FHIT: variants seen among roughly 807,000 people sequenced by gnomAD.
The protein encoded by FHIT is bis(5'-adenosyl)-triphosphatase.
In FHIT, 19 loss-of-function variants were observed where a neutral mutation model predicts 17.9. That is an observed-to-expected ratio of 1.06 (90% CI 0.74 to 1.56). The LOEUF (loss-of-function observed/expected upper bound fraction) is 1.56. Among genes scored for constraint, FHIT ranks in the 40% most tolerant of loss-of-function variants. The probability of loss-of-function intolerance (pLI) is 0.00; values close to 1 mark genes in which losing one functional copy is unlikely to be tolerated. For missense variants in FHIT, 248 were observed against 189.2 expected, an observed-to-expected ratio of 1.31 and a Z score of -1.82; for synonymous variants, 81 against 69.7, an observed-to-expected ratio of 1.16 and a Z score of -0.81.
chr3:60,412,376 T>G (rs1702093968), intron 5 of FHIT, among the ~76,000 whole-genome samples: 1 of 152,028 alleles, frequency 6.6e-6, no homozygotes. Flanking sequence ...AATAAATAAA[T>G]AAGACCAGTT....
intron 3 of FHIT, among the ~76,000 whole-genome samples, chr3:60,980,068 AG>A: frequency 6.6e-6 from 1 of 152,318 alleles, no homozygotes; most frequent in East Asian, 1.9e-4. Context: ...TCTACTCAAA[AG>A]CTGCATATTT....
intron 3 of FHIT, among the ~76,000 whole-genome samples, chr3:61,011,709 G>C (rs562952140): frequency 6.6e-6 from 1 of 152,070 alleles, no homozygotes; most frequent in Non-Finnish European, 1.5e-5. Context: ...TAAAGATCTC[G>C]CCTTTTCATC....
chr3:61,249,694 A>G (rs1188417521), intron 1 of FHIT, among the ~76,000 whole-genome samples: 1 of 152,204 alleles, frequency 6.6e-6, no homozygotes, highest in African/African-American at 2.4e-5. Context: ...TAAGAGGATT[A>G]AATTATAACA....
At chr3:60,098,004 T>C (rs1311413374) in intron 5 of FHIT, among the ~76,000 whole-genome samples, 2 of 151,822 alleles carry the variant, frequency 1.3e-5, no homozygotes, top group Non-Finnish European at 2.9e-5. Context: ...CTGAGAATGA[T>C]GGTTTCCAGT....
chr3:60,938,300 C>T (rs1192130982), intron 3 of FHIT, among the ~76,000 whole-genome samples: 1 of 152,132 alleles, frequency 6.6e-6, no homozygotes, highest in Non-Finnish European at 1.5e-5. Flanking sequence ...GGAAGGGCAG[C>T]AGGCTTTCTC....
chr3:60,390,650 G>T (rs558114281), intron 5 of FHIT, among the ~76,000 whole-genome samples: 8 of 152,066 alleles, frequency 5.3e-5, no homozygotes, highest in African/African-American at 1.4e-4. Context: ...GGAAGACAGT[G>T]ATATTGATGA....
chr3:60,907,307 G>T (rs1706480626), intron 3 of FHIT, among the ~76,000 whole-genome samples: 2 of 152,296 alleles, frequency 1.3e-5, no homozygotes, highest in Middle Eastern at 6.8e-3. Flanking sequence ...CAATTGGACA[G>T]ATCCACATTG....
chr3:61,130,200 AG>A (rs1029012620), intron 2 of FHIT, among the ~76,000 whole-genome samples: 19 of 151,860 alleles, frequency 1.3e-4, no homozygotes, highest in Middle Eastern at 6.8e-3. Context: ...ATGCTATAGG[AG>A]GTCCAAGAAA....
chr3:61,171,371 C>T (rs1480740309), intron 2 of FHIT, among the ~76,000 whole-genome samples: 6 of 152,052 alleles, frequency 3.9e-5, no homozygotes, highest in East Asian at 1.9e-4. Context: ...ATGCATAGTT[C>T]GCAAAAATGT....
intron 5 of FHIT, among the ~76,000 whole-genome samples, chr3:60,104,854 G>A (rs1042845869): frequency 9.2e-5 from 14 of 152,052 alleles, no homozygotes; most frequent in African/African-American, 3.4e-4. Context: ...TGGGAACAGA[G>A]GTCCTCCTCT....
chr3:60,270,978 G>C (rs960172246), intron 5 of FHIT, among the ~76,000 whole-genome samples: 2 of 152,184 alleles, frequency 1.3e-5, no homozygotes, highest in Non-Finnish European at 2.9e-5. Flanking sequence ...ATCAGTAATA[G>C]AGGACTTATG....
At position 60,133,572 on chromosome 3, in the gene FHIT, C is replaced by A. The variant is rs80339858; in HGVS notation, c.104-119420G>T. On this transcript the variant is annotated intron_variant, in intron 5 of 9. Transcript: ENST00000492590. ...AGGCCCCTGTGGTTCAATTCTTTAT[C>A]TCTTTTTCTCTTCCCCAGTGTGGAA... Among the ~76,000 whole-genome samples the A allele has an allele frequency of 3.5e-4, 53 of 152,136 alleles. No individual in the cohort carries two copies. In the East Asian group the frequency reaches 7.9e-3, roughly 23 times the overall value.
chr3:59,854,410 G>A (rs1344873874), intron 8 of FHIT, among the ~76,000 whole-genome samples: 1 of 152,178 alleles, frequency 6.6e-6, no homozygotes, highest in Non-Finnish European at 1.5e-5. Context: ...AAGGCAAAGA[G>A]GTCAAGTTTC....
At chr3:60,076,181 C>A (rs1235812129) in intron 5 of FHIT, among the ~76,000 whole-genome samples, 1 of 152,024 alleles carries the variant, frequency 6.6e-6, no homozygotes, top group African/African-American at 2.4e-5. Flanking sequence ...TACAGGAGAA[C>A]AGACATGATG....
At chr3:60,565,914 CT>C (rs1256633695) in intron 4 of FHIT, among the ~76,000 whole-genome samples, 2 of 152,158 alleles carry the variant, frequency 1.3e-5, no homozygotes, top group South Asian at 2.1e-4. Context: ...ATAAATTTCC[CT>C]CTACACACTG....
At chr3:60,375,263 C>A (rs1700504626) in intron 5 of FHIT, among the ~76,000 whole-genome samples, 1 of 151,950 alleles carries the variant, frequency 6.6e-6, no homozygotes, top group East Asian at 1.9e-4. Flanking sequence ...GGTTTTGTAT[C>A]ATTACATCAA....
At chr3:60,522,385 C>T (rs1576807003) in intron 5 of FHIT, among the ~76,000 whole-genome samples, 1 of 152,340 alleles carries the variant, frequency 6.6e-6, no homozygotes, top group African/African-American at 2.4e-5. Flanking sequence ...GTTGGGATTA[C>T]AGGCATGAGT....
intron 3 of FHIT, among the ~76,000 whole-genome samples, chr3:60,995,247 G>C (rs899719136): frequency 6.6e-6 from 1 of 152,140 alleles, no homozygotes; most frequent in African/African-American, 2.4e-5. Context: ...GTGAACCCGG[G>C]AGGCGGAGCT....
chr3:59,973,985 G>A (rs76726773), intron 7 of FHIT, among the ~76,000 whole-genome samples: 10 of 148,422 alleles, frequency 6.7e-5, no homozygotes, highest in African/African-American at 5.0e-5. Context: ...ATAAAGAAAA[G>A]AAAAAAAAAA....
Sources: gnomAD v4.1 joint callset for allele counts (sites outside exome capture counted in the v4.1 genomes callset) on GRCh38, gnomAD v4.1.1 for gene constraint, MANE v1.5 for transcripts, NCBI Gene and HGNC (gene_info 2026-07-23, HGNC 2026-07-21) for gene names.